The following DNPEP variants were observed in gnomAD, a reference collection of about 807,000 sequenced individuals.
DNPEP encodes the protein aspartyl aminopeptidase.
A neutral mutation model predicts 59.1 loss-of-function variants in DNPEP; 46 were observed. The ratio of observed to expected loss-of-function variants is 0.78; its 90% CI spans 0.61 to 0.99. DNPEP has a LOEUF of 0.99. Among genes scored for constraint, DNPEP ranks in the 50% least tolerant of loss-of-function variants. The pLI is 0.00. For synonymous variants in DNPEP, 229 were observed against 242.2 expected, an observed-to-expected ratio of 0.95 and a Z score of 0.50; for missense variants, 617 against 649.9, an observed-to-expected ratio of 0.95 and a Z score of 0.55.
upstream of DNPEP, chr2:219,388,420 A>C (rs1243385310): frequency 6.7e-5 from 6 of 89,362 alleles, no homozygotes; most frequent in Admixed American, 1.4e-4. Context: ...GCCGCTCGTC[A>C]CGCTTCCTCG....
upstream of DNPEP, among the ~76,000 whole-genome samples, chr2:219,390,880 GAGC>G (rs1278904932): frequency 4.0e-5 from 6 of 151,854 alleles, no homozygotes; most frequent in Non-Finnish European, 5.9e-5. Context: ...TCTTTTTATT[GAGC>G]AGATTAACAA....
chr2:219,381,985 T>G lies in DNPEP; in HGVS notation c.1091A>C (p.Asn364Thr). Residue 364 changes from asparagine (N) to threonine (T), a missense_variant, in exon 11 of 15, where the codon AAC becomes ACC. Physicochemically the swap from Asn to Thr is moderately conservative, Grantham distance 65 (BLOSUM62 0). Transcript: ENST00000273075. ...ACTGGCACTAGAGACTCACAGGTAGTTGGGATGCACAGCATGGGCCATGTC... is the reference window on the plus strand; with the variant it reads ...ACTGGCACTAGAGACTCACAGGTAGGTGGGATGCACAGCATGGGCCATGTC... The part of the protein sequence containing the change: ...SADMAHAVHP[N>T]YLDKHEENHR... 6.2e-7 allele frequency: 1 copy of G among 1,614,144 alleles called. No homozygotes were observed. The highest frequency in any genetic ancestry group is 8.5e-7 in the Non-Finnish European group (1 of 1,180,000).
chr2:219,398,130 A>T (rs967850522), intron 1 of DNPEP, among the ~76,000 whole-genome samples: 1 of 152,116 alleles, frequency 6.6e-6, no homozygotes, highest in Non-Finnish European at 1.5e-5. Flanking sequence ...ATAACCTCAT[A>T]ATGTTATGAG....
upstream of DNPEP, among the ~76,000 whole-genome samples, chr2:219,388,226 C>A (rs1456064448): frequency 2.7e-5 from 4 of 146,978 alleles, no homozygotes; most frequent in Non-Finnish European, 3.0e-5. Context: ...CCGCCCTCCC[C>A]GCTTTGTCCC....
intron 11 of DNPEP, 189 bp from the exon 12 acceptor site, chr2:219,381,773 A>G: frequency 1.2e-6 from 1 of 857,030 alleles, no homozygotes; most frequent in South Asian, 1.6e-5. Flanking sequence ...GTTTGTAGAC[A>G]AAGGTGTATT....
chr2:219,397,180 C>T (rs921101312), intron 1 of DNPEP, among the ~76,000 whole-genome samples: 6 of 152,250 alleles, frequency 3.9e-5, no homozygotes, highest in African/African-American at 9.6e-5. Context: ...TCGTATTTGC[C>T]GTGTTGTGCC....
rs2125143559 is a variant in DNPEP, at chr2:219,386,874, C to G, written c.219+18G>C. ...AGCCTAGGGACCTGCCTTTCCACCC[C>G]CACCCCACCCCCAGTACCTTGCTCT... On this transcript the variant is annotated intron_variant, in intron 3 of 14. Coordinates refer to ENST00000273075, the MANE Select transcript of DNPEP (RefSeq NM_012100.4). 1.9e-6 allele frequency: 3 copies of G among 1,602,786 alleles called. No individual in the cohort carries two copies. In the East Asian group the frequency reaches 6.7e-5, roughly 36 times the overall value.
chr2:219,387,995 C>T, upstream of DNPEP: 9 of 1,231,912 alleles, frequency 7.3e-6, no homozygotes, highest in Non-Finnish European at 9.4e-6. Flanking sequence ...CCACCTCGGT[C>T]AGCCCCGCCC....
At chr2:219,380,202 C>CTTTTTTTTTTT (rs71040453) in intron 13 of DNPEP, among the ~76,000 whole-genome samples, 1 of 129,200 alleles carries the variant, frequency 7.7e-6, no homozygotes, top group Non-Finnish European at 1.6e-5. Context: ...TTTTTCTTTT[C>CTTTTTTTTTTT]TTTTTTTTTT....
intron 13 of DNPEP, among the ~76,000 whole-genome samples, chr2:219,376,344 C>A (rs962213399): frequency 5.3e-5 from 8 of 151,774 alleles, no homozygotes; most frequent in South Asian, 4.2e-4. Context: ...AAGAAACAGC[C>A]GGGCATGGTG....
chr2:219,374,399 C>A, intron 14 of DNPEP, 57 bp from the exon 15 acceptor site: 1 of 1,488,206 alleles, frequency 6.7e-7, no homozygotes, highest in South Asian at 1.1e-5. Flanking sequence ...TGGAGATGTC[C>A]TGCCACCCAC....
At chr2:219,380,925 C>T (rs999910197) in intron 13 of DNPEP, among the ~76,000 whole-genome samples, 4 of 150,790 alleles carry the variant, frequency 2.7e-5, no homozygotes, top group African/African-American at 4.9e-5. Context: ...GTTGGAGTTC[C>T]ATACTCCCCA....
chr2:219,386,380 C>CCACT lies in DNPEP; in HGVS notation c.364_365insAGTG (p.Gly122GlufsTer21), dbSNP rs1953834368. 6.2e-7 allele frequency: 1 copy of CCACT among 1,614,118 alleles called. No homozygotes were observed. The highest frequency in any genetic ancestry group is 1.7e-5 in the Admixed American group (1 of 60,004). On this transcript the variant is annotated frameshift_variant, in exon 5 of 15. Transcript: ENST00000273075. LOFTEE classifies it high-confidence loss of function. Reference sequence around the variant, plus strand: ...GGTCTCCACACCGACTTGCTGGAAGCCCACCTGGCTGCGGCGAGACCGACG... The same window carrying CCACT: ...GGTCTCCACACCGACTTGCTGGAAGCCACTCCACCTGGCTGCGGCGAGACCGACG...
intron 13 of DNPEP, among the ~76,000 whole-genome samples, chr2:219,380,903 AG>A (rs1171041283): frequency 7.1e-6 from 1 of 140,804 alleles, no homozygotes; most frequent in African/African-American, 2.6e-5. Flanking sequence ...CAGGCAAGAG[AG>A]AAAATGAGTA....
Position 219,387,706 on chromosome 2 carries a change from G to A in DNPEP, c.36+53C>T, listed in dbSNP as rs1190197573. On this transcript the variant is annotated intron_variant, in intron 1 of 14. Transcript: ENST00000273075. ...GCGCTAAGCTTGGGCCCCGGAGGGC[G>A]CCGGACCCGGTCTGGGATCGAAATT... 5.0e-6 allele frequency: 8 copies of A among 1,605,158 alleles called. No homozygotes were observed. In the South Asian group the frequency reaches 7.7e-5, roughly 16 times the overall value.
intron 13 of DNPEP, among the ~76,000 whole-genome samples, chr2:219,377,476 A>AT (rs1953421236): frequency 6.6e-6 from 1 of 152,164 alleles, no homozygotes; most frequent in African/African-American, 2.4e-5. Context: ...ACTGGAAGAC[A>AT]TTTAAGCAAC....
rs1674265007 is a variant in DNPEP, at chr2:219,373,733, T to C, written c.*559A>G. On this transcript the variant is annotated 3_prime_UTR_variant, in exon 15 of 15. Coordinates refer to ENST00000273075, the MANE Select transcript of DNPEP (RefSeq NM_012100.4). ...TGATAATATGTTCACAATCAAGTAA[T>C]ACCAGGGACTGCTGAGAAGTGGATG... is the stretch of plus-strand genomic sequence containing the variant. 2.6e-5 allele frequency: 4 copies of C among 152,750 alleles called. No homozygotes were observed. Among genetic ancestry groups the C allele is most frequent in the Admixed American group, 1.3e-4 (2 of 15,292 alleles). The allele number at this position is 152,750 out of a possible 1,614,324, so 9.5% of individuals were successfully genotyped here. A position where few individuals can be genotyped will look rare whatever the true frequency, so the allele number is the denominator to read the frequency against.
intron 1 of DNPEP, among the ~76,000 whole-genome samples, chr2:219,396,560 C>T (rs1954100141): frequency 6.6e-6 from 1 of 151,544 alleles, no homozygotes; most frequent in Non-Finnish European, 1.5e-5. Flanking sequence ...TACACTCTAG[C>T]CTGGGCAACA....
chr2:219,374,610 T>C (rs915560984), intron 14 of DNPEP, among the ~76,000 whole-genome samples: 3 of 152,198 alleles, frequency 2.0e-5, no homozygotes, highest in Non-Finnish European at 4.4e-5. Context: ...GGACTTGCCA[T>C]GTTGCTCAGG....
Sources: allele counts gnomAD v4.1 joint callset (sites outside exome capture counted in the v4.1 genomes callset), GRCh38; gene constraint gnomAD v4.1.1; transcripts MANE v1.5; gene names NCBI Gene and HGNC (gene_info 2026-07-23, HGNC 2026-07-21).